Variants in SERPINI1 observed in about 807,000 individuals in gnomAD.
SERPINI1 encodes the protein serpin family I member 1.
SERPINI1 carries 19 observed loss-of-function variants against 41.1 expected under a neutral mutation model. The ratio of observed to expected loss-of-function variants is 0.46; its 90% CI spans 0.32 to 0.68. The LOEUF (loss-of-function observed/expected upper bound fraction) is 0.68, where lower values mean the gene tolerates loss of function less well. Ranked by LOEUF, SERPINI1 falls within the 30% of genes least tolerant of loss-of-function variation. The pLI is 0.03. For missense variants in SERPINI1, 460 were observed against 479.2 expected (o/e 0.96, Z 0.37); for synonymous variants, 138 against 156.6 (o/e 0.88, Z 0.89).
At chr3:167,784,656 A>G (rs2108553636) in intron 1 of SERPINI1, among the ~76,000 whole-genome samples, 1 of 152,298 alleles carries the variant, frequency 6.6e-6, no homozygotes, top group South Asian at 2.1e-4. Context: ...ATGGGAAATG[A>G]CAGATGCTTA....
At chr3:167,777,235 T>C (rs1726992096) in intron 1 of SERPINI1, among the ~76,000 whole-genome samples, 1 of 152,242 alleles carries the variant, frequency 6.6e-6, no homozygotes. Context: ...TCTCTACTAC[T>C]ACAAAACCCC....
intron 5 of SERPINI1, among the ~76,000 whole-genome samples, chr3:167,799,737 A>G (rs1444496682): frequency 1.3e-5 from 2 of 152,206 alleles, no homozygotes; most frequent in African/African-American, 4.8e-5. Context: ...TCGCCATTCT[A>G]ACTGGCATGA....
Position 167,789,306 on chromosome 3 carries a change from A to T in SERPINI1, c.178A>T (p.Met60Leu). 1 of 1,614,224 alleles carries T rather than the reference A, an allele frequency of 6.2e-7. No individual in the cohort carries two copies. Among genetic ancestry groups the T allele is most frequent in the South Asian group, 1.1e-5 (1 of 91,086 alleles). Residue 60 changes from methionine (M) to leucine (L), a missense_variant, in exon 2 of 9, where the codon ATG becomes TTG. Coordinates refer to ENST00000446050, the MANE Select transcript of SERPINI1 (RefSeq NM_001122752.2). ...GAGTATTGCTCTTGCAATGGGAATG[A>T]TGGAACTTGGGGCCCAAGGATCTAC... is the stretch of plus-strand genomic sequence containing the variant. ...PLSIALAMGM[M>L]ELGAQGSTQK...
intron 1 of SERPINI1, among the ~76,000 whole-genome samples, chr3:167,742,536 T>A (rs1014461308): frequency 6.6e-6 from 1 of 152,150 alleles, no homozygotes; most frequent in Non-Finnish European, 1.5e-5. Flanking sequence ...AAACAGTTGT[T>A]CCTGTTGAGT....
At chr3:167,749,742 C>A (rs1725984881) in intron 1 of SERPINI1, among the ~76,000 whole-genome samples, 1 of 152,276 alleles carries the variant, frequency 6.6e-6, no homozygotes, top group East Asian at 1.9e-4. Flanking sequence ...TTATGCAGAA[C>A]CTGTTTACTG....
At chr3:167,762,367 G>C (rs1270731333) in intron 1 of SERPINI1, among the ~76,000 whole-genome samples, 2 of 151,916 alleles carry the variant, frequency 1.3e-5, no homozygotes, top group African/African-American at 2.4e-5. Context: ...TTTTTCTCCT[G>C]TCTTAAACAA....
intron 7 of SERPINI1, among the ~76,000 whole-genome samples, chr3:167,823,678 G>A (rs1308023730): frequency 1.3e-5 from 2 of 151,824 alleles, no homozygotes; most frequent in Non-Finnish European, 2.9e-5. Flanking sequence ...ACTTTGATGT[G>A]CTATCAAATA....
intron 5 of SERPINI1, among the ~76,000 whole-genome samples, chr3:167,797,695 T>A (rs903080203): frequency 6.6e-6 from 1 of 151,632 alleles, no homozygotes. Flanking sequence ...TATTCCATTA[T>A]AAGTCTATTC....
intron 6 of SERPINI1, among the ~76,000 whole-genome samples, chr3:167,821,720 T>C (rs991800162): frequency 6.6e-5 from 10 of 152,210 alleles, no homozygotes; most frequent in African/African-American, 1.9e-4. Context: ...GGTTTCCAGC[T>C]GATGAAGCGA....
intron 6 of SERPINI1, among the ~76,000 whole-genome samples, chr3:167,817,889 G>C (rs920822266): frequency 6.9e-6 from 1 of 145,060 alleles, no homozygotes; most frequent in Non-Finnish European, 1.5e-5. Context: ...GTGAGCCACC[G>C]CGCCCGGCCA....
At position 167,763,373 on chromosome 3, in the gene SERPINI1, GTGTGTA is replaced by G. The variant is rs1369522054; in HGVS notation, c.-18-25732_-18-25727del. On this transcript the variant is annotated intron_variant, in intron 1 of 8. Transcript: ENST00000446050. ...ACCACAGTTTTGTGTGTGTGTGTGT[GTGTGTA>G]TGTGTGTGTGTGTGTGTTGAGACAG... 1.6e-3 allele frequency among the ~76,000 whole-genome samples: 234 copies of G among 148,556 alleles called. 1 individual carries two copies. The highest frequency in any genetic ancestry group is 2.7e-3 in the African/African-American group (105 of 38,928).
At chr3:167,760,661 G>A (rs928637319) in intron 1 of SERPINI1, among the ~76,000 whole-genome samples, 70 of 151,582 alleles carry the variant, frequency 4.6e-4, no homozygotes, top group Non-Finnish European at 1.8e-4. Flanking sequence ...GGTTGTTTAA[G>A]TGGAACATCT....
At chr3:167,794,358 T>A (rs915948486) in intron 4 of SERPINI1, among the ~76,000 whole-genome samples, 1 of 152,190 alleles carries the variant, frequency 6.6e-6, no homozygotes, top group Non-Finnish European at 1.5e-5. Flanking sequence ...AATTTCTTTA[T>A]ATTCTATATA....
chr3:167,808,134 TAATAAATA>T (rs60263204), intron 6 of SERPINI1, among the ~76,000 whole-genome samples: 7 of 146,918 alleles, frequency 4.8e-5, no homozygotes, highest in South Asian at 2.1e-4. Flanking sequence ...ATAGTAATGA[TAATAAATA>T]AATAAATAAA....
chr3:167,761,592 A>G (rs970973518), intron 1 of SERPINI1, among the ~76,000 whole-genome samples: 1 of 152,210 alleles, frequency 6.6e-6, no homozygotes, highest in Non-Finnish European at 1.5e-5. Flanking sequence ...TGCATAAATG[A>G]TAGCTTTCAT....
At chr3:167,737,747 T>C (rs1204249900) in intron 1 of SERPINI1, among the ~76,000 whole-genome samples, 1 of 152,148 alleles carries the variant, frequency 6.6e-6, no homozygotes, top group Non-Finnish European at 1.5e-5. Context: ...AGCAAGCAAA[T>C]GGATAGAAGA....
intron 1 of SERPINI1, among the ~76,000 whole-genome samples, chr3:167,747,933 TG>T (rs1725914742): frequency 6.6e-6 from 1 of 151,626 alleles, no homozygotes; most frequent in South Asian, 2.1e-4. Flanking sequence ...TTTTGTGTTT[TG>T]TTGTTTTTTT....
intron 1 of SERPINI1, among the ~76,000 whole-genome samples, chr3:167,738,941 G>A (rs555653438): frequency 2.0e-5 from 3 of 151,724 alleles, no homozygotes; most frequent in East Asian, 3.9e-4. Context: ...ATATCAAAAA[G>A]TAAATACCTA....
At chr3:167,766,296 G>C (rs981796807) in intron 1 of SERPINI1, among the ~76,000 whole-genome samples, 2 of 151,372 alleles carry the variant, frequency 1.3e-5, no homozygotes, top group East Asian at 3.9e-4. Context: ...AATCATGGCA[G>C]AAGGCAAGGG....
Sources: gnomAD v4.1 joint callset for allele counts (sites outside exome capture counted in the v4.1 genomes callset) on GRCh38, gnomAD v4.1.1 for gene constraint, MANE v1.5 for transcripts, NCBI Gene and HGNC (gene_info 2026-07-23, HGNC 2026-07-21) for gene names.